AUTS2: variants seen among roughly 807,000 people sequenced by gnomAD.
AUTS2 encodes autism susceptibility gene 2 protein.
A neutral mutation model predicts 112.4 loss-of-function variants in AUTS2; 17 were observed. The observed-to-expected ratio is 0.15, with a 90% CI of 0.10 to 0.23. AUTS2 has a LOEUF of 0.23. AUTS2 is among the 10% of genes least tolerant of loss of function. The pLI is 1.00. For synonymous variants in AUTS2, 751 were observed against 702.7 expected (o/e 1.07, Z -1.09); for missense variants, 1,510 against 1,701.6 (o/e 0.89, Z 1.98).
intron 4 of AUTS2, among the ~76,000 whole-genome samples, chr7:70,203,397 A>T (rs1810404481): frequency 6.6e-6 from 1 of 150,992 alleles, no homozygotes; most frequent in Non-Finnish European, 1.5e-5. Context: ...AAGTAGACTG[A>T]CATTGTACTT....
chr7:70,231,396 C>T (rs1050000067), intron 4 of AUTS2, among the ~76,000 whole-genome samples: 2 of 152,126 alleles, frequency 1.3e-5, no homozygotes, highest in Non-Finnish European at 2.9e-5. Context: ...ACTGTCCTGA[C>T]CTCTGTCATT....
intron 1 of AUTS2, among the ~76,000 whole-genome samples, chr7:69,737,430 A>G (rs1787081226): frequency 6.6e-6 from 1 of 152,140 alleles, no homozygotes; most frequent in Non-Finnish European, 1.5e-5. Context: ...CCTAGCTAGT[A>G]AAAGTCGGGC....
chr7:69,657,471 G>T (rs1584020791), intron 1 of AUTS2, among the ~76,000 whole-genome samples: 1 of 152,346 alleles, frequency 6.6e-6, no homozygotes, highest in East Asian at 1.9e-4. Context: ...CTGTGGACTT[G>T]CCCTTAAGAG....
At chr7:70,361,872 A>G (rs1792285496) in intron 4 of AUTS2, among the ~76,000 whole-genome samples, 1 of 152,160 alleles carries the variant, frequency 6.6e-6, no homozygotes, top group Non-Finnish European at 1.5e-5. Flanking sequence ...GATAAGTTTT[A>G]TGTATATGTA....
intron 4 of AUTS2, among the ~76,000 whole-genome samples, chr7:70,351,055 T>TC (rs1791731749): frequency 6.8e-6 from 1 of 147,408 alleles, no homozygotes; most frequent in African/African-American, 2.5e-5. Flanking sequence ...TCTTCTTCTT[T>TC]TTTTTTTTTT....
At chr7:70,410,848 A>ATTG (rs1794746767) in intron 4 of AUTS2, among the ~76,000 whole-genome samples, 1 of 144,914 alleles carries the variant, frequency 6.9e-6, no homozygotes, top group Non-Finnish European at 1.6e-5. Context: ...TATTATTATT[A>ATTG]TTGTTATTAT....
chr7:69,761,577 G>C lies in AUTS2; in HGVS notation c.310-137709G>C, dbSNP rs544431175. On this transcript the variant is annotated intron_variant, in intron 1 of 18. Coordinates refer to ENST00000342771, the MANE Select transcript of AUTS2 (RefSeq NM_015570.4). ...TGGGGTGCAGGGTCAGGGACTGAGG[G>C]GAAGGTATAATTGTTTACAGAAAAT... Among the ~76,000 whole-genome samples, 375 of 152,168 alleles carry C rather than the reference G, an allele frequency of 2.5e-3. 3 individuals are homozygous for C. The highest frequency in any genetic ancestry group is 3.9e-3 in the Non-Finnish European group (267 of 68,002).
rs1315835089 is a variant in AUTS2, at chr7:70,748,077, C to T, written c.743-14793C>T. Among the ~76,000 whole-genome samples, 20 of 150,876 alleles carry T rather than the reference C, an allele frequency of 1.3e-4. 1 individual carries two copies. Among genetic ancestry groups the T allele is most frequent in the Admixed American group, 4.0e-4 (6 of 15,096 alleles). On this transcript the variant is annotated intron_variant, in intron 6 of 18. Coordinates refer to ENST00000342771, the MANE Select transcript of AUTS2 (RefSeq NM_015570.4). The stretch of plus-strand genomic sequence containing the variant: ...TCTCCTGACCTCGTGATCCGCCCGT[C>T]TCAGCCTCCCAAAGTGCTAGGATTA...
chr7:70,431,470 C>T (rs1795666994), intron 4 of AUTS2, among the ~76,000 whole-genome samples: 2 of 152,130 alleles, frequency 1.3e-5, no homozygotes, highest in African/African-American at 4.8e-5. Flanking sequence ...ACTACAACCT[C>T]CGTCTCCCTG....
At chr7:70,629,628 G>A (rs1805153727) in intron 5 of AUTS2, among the ~76,000 whole-genome samples, 1 of 152,012 alleles carries the variant, frequency 6.6e-6, no homozygotes, top group Non-Finnish European at 1.5e-5. Context: ...GGCAGCTGGT[G>A]ACTGACGGAG....
At chr7:70,211,587 T>C (rs916100743) in intron 4 of AUTS2, among the ~76,000 whole-genome samples, 37 of 150,102 alleles carry the variant, frequency 2.5e-4, no homozygotes, top group South Asian at 1.5e-3. Context: ...AGGCGGAGGT[T>C]GCAGTGAGCC....
At chr7:70,308,716 G>A (rs552392392) in intron 4 of AUTS2, among the ~76,000 whole-genome samples, 1 of 152,256 alleles carries the variant, frequency 6.6e-6, no homozygotes, top group African/African-American at 2.4e-5. Flanking sequence ...GTTCTCAACT[G>A]GTGTACCACA....
chr7:70,700,789 A>G (rs1017297933), intron 6 of AUTS2, among the ~76,000 whole-genome samples: 1 of 152,178 alleles, frequency 6.6e-6, no homozygotes, highest in Admixed American at 6.5e-5. Context: ...TACTCCGGGT[A>G]GTGGCAGTGT....
intron 4 of AUTS2, among the ~76,000 whole-genome samples, chr7:70,253,576 C>T (rs924654221): frequency 9.9e-5 from 15 of 152,072 alleles, no homozygotes; most frequent in African/African-American, 3.6e-4. Context: ...TTCTTTGACA[C>T]CTGGGAGAAG....
intron 1 of AUTS2, among the ~76,000 whole-genome samples, chr7:69,863,104 C>T (rs1309476592): frequency 6.6e-6 from 1 of 152,066 alleles, no homozygotes; most frequent in African/African-American, 2.4e-5. Context: ...TTCTTACATA[C>T]ACATATGTGT....
chr7:69,818,126 G>C (rs1383198471), intron 1 of AUTS2, among the ~76,000 whole-genome samples: 1 of 152,154 alleles, frequency 6.6e-6, no homozygotes, highest in African/African-American at 2.4e-5. Flanking sequence ...TGAGGAGCTG[G>C]GTTCCTTTTC....
intron 5 of AUTS2, among the ~76,000 whole-genome samples, chr7:70,517,830 A>G (rs1421468112): frequency 6.6e-6 from 1 of 152,086 alleles, no homozygotes; most frequent in Non-Finnish European, 1.5e-5. Context: ...TAATTTGTAT[A>G]TACCCACACA....
At chr7:70,714,179 G>A (rs764973722) in intron 6 of AUTS2, among the ~76,000 whole-genome samples, 1 of 152,014 alleles carries the variant, frequency 6.6e-6, no homozygotes, top group Admixed American at 6.6e-5. Flanking sequence ...ATCATGAATC[G>A]GGAGCTTTTT....
intron 2 of AUTS2, among the ~76,000 whole-genome samples, chr7:70,059,492 A>G (rs756646239): frequency 1.3e-5 from 2 of 152,134 alleles, no homozygotes; most frequent in Non-Finnish European, 1.5e-5. Flanking sequence ...AGATCTTAAC[A>G]TTCACATTGG....
Sources: gnomAD v4.1 joint callset for allele counts (sites outside exome capture counted in the v4.1 genomes callset) on GRCh38, gnomAD v4.1.1 for gene constraint, MANE v1.5 for transcripts, NCBI Gene and HGNC (gene_info 2026-07-23, HGNC 2026-07-21) for gene names.